SPHKAP: variants seen among roughly 807,000 people sequenced by gnomAD.
The protein encoded by SPHKAP is SPHK1 interactor, AKAP domain containing, also known as A-kinase anchor protein SPHKAP.
In SPHKAP, 67 loss-of-function variants were observed where a neutral mutation model predicts 137.5. The observed-to-expected ratio is 0.49, with a 90% CI of 0.40 to 0.60. The LOEUF (loss-of-function observed/expected upper bound fraction) is 0.60, where lower values mean the gene tolerates loss of function less well. Ranked by LOEUF, SPHKAP falls within the 20% of genes least tolerant of loss-of-function variation. SPHKAP has a pLI of 0.00. For synonymous variants in SPHKAP, 813 were observed against 785.3 expected, an observed-to-expected ratio of 1.04 and a Z score of -0.59; for missense variants, 2,097 against 2,069.3, an observed-to-expected ratio of 1.01 and a Z score of -0.26.
chr2:228,120,097 A>T (rs1014915473), intron 2 of SPHKAP, among the ~76,000 whole-genome samples: 1 of 152,122 alleles, frequency 6.6e-6, no homozygotes, highest in African/African-American at 2.4e-5. Flanking sequence ...TTACCAGATC[A>T]AAGGTGTGAT....
chr2:228,012,959 T>G (rs961381275), intron 7 of SPHKAP, among the ~76,000 whole-genome samples: 4 of 152,216 alleles, frequency 2.6e-5, no homozygotes, highest in Non-Finnish European at 4.4e-5. Flanking sequence ...TAACTTTTTT[T>G]AAAGTAAGAA....
At chr2:228,125,460 C>T (rs1053717920) in intron 2 of SPHKAP, among the ~76,000 whole-genome samples, 1 of 152,110 alleles carries the variant, frequency 6.6e-6, no homozygotes, top group Non-Finnish European at 1.5e-5. Flanking sequence ...CAAGGGCATA[C>T]ACAAACCTTT....
chr2:227,988,245 T>C (rs1256290604), intron 11 of SPHKAP, among the ~76,000 whole-genome samples: 3 of 152,214 alleles, frequency 2.0e-5, no homozygotes, highest in Non-Finnish European at 2.9e-5. Flanking sequence ...AAAGCCACTA[T>C]GTGCAGAGAG....
intron 3 of SPHKAP, among the ~76,000 whole-genome samples, chr2:228,058,820 C>A (rs1249867385): frequency 2.0e-5 from 3 of 152,162 alleles, no homozygotes; most frequent in Admixed American, 6.5e-5. Context: ...TTACATGTAG[C>A]ATAGCTCACC....
At chr2:228,091,759 TA>T (rs898114609) in intron 3 of SPHKAP, among the ~76,000 whole-genome samples, 3 of 150,346 alleles carry the variant, frequency 2.0e-5, no homozygotes, top group Non-Finnish European at 3.0e-5. Flanking sequence ...AATCAAAAAA[TA>T]AAAAAAAATA....
chr2:227,989,400 G>A (rs1216307618), intron 11 of SPHKAP, among the ~76,000 whole-genome samples: 1 of 152,078 alleles, frequency 6.6e-6, no homozygotes, highest in East Asian at 1.9e-4. Context: ...GCACATGGAG[G>A]CACTTTGTGA....
At chr2:228,150,228 T>C (rs1699889753) in intron 1 of SPHKAP, among the ~76,000 whole-genome samples, 1 of 152,194 alleles carries the variant, frequency 6.6e-6, no homozygotes, top group Non-Finnish European at 1.5e-5. Flanking sequence ...CTTTCTAATA[T>C]TTTGGTTGGG....
chr2:228,176,744 G>T (rs1471952580), intron 1 of SPHKAP, among the ~76,000 whole-genome samples: 1 of 152,188 alleles, frequency 6.6e-6, no homozygotes, highest in Non-Finnish European at 1.5e-5. Flanking sequence ...GGTGGCGCAT[G>T]CCTGTAATCC....
At chr2:228,160,554 T>C (rs1700243593) in intron 1 of SPHKAP, among the ~76,000 whole-genome samples, 1 of 152,160 alleles carries the variant, frequency 6.6e-6, no homozygotes, top group Non-Finnish European at 1.5e-5. Context: ...TCACTCACTA[T>C]CATGAGAACA....
intron 2 of SPHKAP, among the ~76,000 whole-genome samples, chr2:228,131,497 T>A (rs1170511523): frequency 3.3e-5 from 5 of 151,782 alleles, no homozygotes; most frequent in East Asian, 1.9e-4. Context: ...TTTTTTTTTT[T>A]TATATCAGCT....
At chr2:228,168,609 A>G (rs1198561843) in intron 1 of SPHKAP, among the ~76,000 whole-genome samples, 2 of 152,132 alleles carry the variant, frequency 1.3e-5, no homozygotes, top group Non-Finnish European at 2.9e-5. Flanking sequence ...TGTTCCACTG[A>G]CTGGAAGTTA....
intron 3 of SPHKAP, among the ~76,000 whole-genome samples, chr2:228,088,522 A>G (rs1697615320): frequency 6.6e-6 from 1 of 152,240 alleles, no homozygotes; most frequent in African/African-American, 2.4e-5. Context: ...AGGAACAAAC[A>G]TAATACGAGA....
At chr2:228,175,288 T>G (rs546928935) in intron 1 of SPHKAP, among the ~76,000 whole-genome samples, 1 of 149,032 alleles carries the variant, frequency 6.7e-6, no homozygotes, top group Non-Finnish European at 1.5e-5. Flanking sequence ...ATGGAATAAA[T>G]GAAGGTTTTT....
chr2:228,080,160 A>T (rs1031807324), intron 3 of SPHKAP, among the ~76,000 whole-genome samples: 5 of 152,196 alleles, frequency 3.3e-5, no homozygotes, highest in African/African-American at 1.2e-4. Flanking sequence ...CTGCACCGCC[A>T]AGGAAACAAT....
Position 228,025,478 on chromosome 2 carries a change from A to G in SPHKAP, c.357T>C (p.Asn119=), listed in dbSNP as rs1260668798. The part of the protein sequence containing the change: ...PDLPKLISSM[N]VQQPKENEIV... ...TTTCATTTTCTTTTGGTTGTTGGAC[A>G]TTCATGGAACTGATAAGTTTTGGAA... Residue 119 remains asparagine (N), a synonymous_variant, in exon 5 of 12, where the codon AAT becomes AAC. Transcript: ENST00000392056. 2 of 1,613,982 alleles carry G rather than the reference A, an allele frequency of 1.2e-6. No homozygotes were observed. Among genetic ancestry groups the G allele is most frequent in the Non-Finnish European group, 1.7e-6 (2 of 1,179,926 alleles).
In SPHKAP at chr2:228,145,883, G is replaced by A. The variant is rs537262322; in HGVS notation, c.33-13798C>T. 3.9e-5 allele frequency among the ~76,000 whole-genome samples: 6 copies of A among 152,190 alleles called. No individual in the cohort carries two copies. The South Asian group carries it at 1.2e-3, about 32-fold the overall frequency. On this transcript the variant is annotated intron_variant, in intron 1 of 11. Transcript: ENST00000392056. ...AATGTGGTAAATGGGGCTACACTGG[G>A]CAGTAATTGGCAAACTCGGGACCCC...
chr2:228,144,888 A>G (rs892824647), intron 1 of SPHKAP, among the ~76,000 whole-genome samples: 16 of 152,208 alleles, frequency 1.1e-4, no homozygotes, highest in African/African-American at 3.1e-4. Flanking sequence ...GACAAAACCA[A>G]TAAAGCCAGC....
chr2:228,043,001 T>A (rs1384781959), intron 3 of SPHKAP, among the ~76,000 whole-genome samples: 1 of 152,158 alleles, frequency 6.6e-6, no homozygotes, highest in Non-Finnish European at 1.5e-5. Flanking sequence ...GCAATAGGTA[T>A]CCAACTACAT....
At chr2:228,084,408 C>A (rs1051977997) in intron 3 of SPHKAP, among the ~76,000 whole-genome samples, 4 of 152,122 alleles carry the variant, frequency 2.6e-5, no homozygotes, top group African/African-American at 9.7e-5. Flanking sequence ...ATAAATTTTT[C>A]CTATAATTAT....
Sources: allele counts gnomAD v4.1 joint callset (sites outside exome capture counted in the v4.1 genomes callset), GRCh38; gene constraint gnomAD v4.1.1; transcripts MANE v1.5; gene names NCBI Gene and HGNC (gene_info 2026-07-23, HGNC 2026-07-21).